Variants in MGST1 observed in about 807,000 individuals in gnomAD.
MGST1 encodes glutathione S-transferase 12.
In MGST1, 5 loss-of-function variants were observed where a neutral mutation model predicts 8.9. The ratio of observed to expected loss-of-function variants is 0.56; its 90% CI spans 0.29 to 1.19. MGST1 has a LOEUF of 1.19. MGST1 is among the 50% of genes most tolerant of loss of function. MGST1 has a pLI of 0.08. For missense variants in MGST1, 182 were observed against 187.4 expected, an observed-to-expected ratio of 0.97 and a Z score of 0.17; for synonymous variants, 54 against 67.8, an observed-to-expected ratio of 0.80 and a Z score of 1.00.
chr12:16,552,283 G>C (rs1942017933), intron 4 of MGST1, among the ~76,000 whole-genome samples: 1 of 152,022 alleles, frequency 6.6e-6, no homozygotes, highest in Non-Finnish European at 1.5e-5. Context: ...GTCTGGTAGA[G>C]TTGACCCAGT....
In MGST1 at chr12:16,546,545, C is replaced by T. The variant is rs1410160667; in HGVS notation, n.483-42983C>T. On this transcript the variant is annotated intron_variant and non_coding_transcript_variant, in intron 4 of 4. Transcript: ENST00000538857. The surrounding 1 kb of genome is among the most constrained non-coding windows in gnomAD (Gnocchi z 4.7). ...TTGTGCATTACGTGATCTGCACGCC[C>T]AAAACAGGAGTATCTTTGAATTTAA... Among the ~76,000 whole-genome samples the T allele has an allele frequency of 6.6e-6, 1 of 152,088 alleles. No homozygotes were observed. The highest frequency in any genetic ancestry group is 1.5e-5 in the Non-Finnish European group (1 of 67,986).
chr12:16,374,932 G>A (rs943016668), intron 3 of MGST1, among the ~76,000 whole-genome samples: 6 of 152,178 alleles, frequency 3.9e-5, no homozygotes, highest in Non-Finnish European at 7.4e-5. Context: ...CCATGCTGAA[G>A]TGCAGTGGGA....
exon 4 of MGST1, chr12:16,376,890 T>C (rs1277665265): frequency 6.6e-6 from 1 of 152,102 alleles, no homozygotes; most frequent in Non-Finnish European, 1.5e-5. Context: ...CATGAATTGT[T>C]AATTGTTGAC....
chr12:16,461,370 G>T (rs1941220051), intron 4 of MGST1, among the ~76,000 whole-genome samples: 1 of 152,068 alleles, frequency 6.6e-6, no homozygotes. Context: ...TCTAGATCTT[G>T]TCAGACTCAC....
rs1941192676 is a variant in MGST1, at chr12:16,458,295, A to C, written n.482+74691A>C. On this transcript the variant is annotated intron_variant and non_coding_transcript_variant, in intron 4 of 4. Transcript: ENST00000538857. The surrounding 1 kb of genome is among the most constrained non-coding windows in gnomAD (Gnocchi z 4.0). The stretch of plus-strand genomic sequence containing the variant: ...TCAATTTAGGAGCTTGGCTGGGGTC[A>C]GCAGATTGCTTATGCTGATCGCAAT... 6.6e-6 allele frequency among the ~76,000 whole-genome samples: 1 copy of C among 152,156 alleles called. No individual in the cohort carries two copies. Among genetic ancestry groups the C allele is most frequent in the African/African-American group, 2.4e-5 (1 of 41,544 alleles).
At chr12:16,366,752 A>G (rs1940199277), downstream of MGST1, among the ~76,000 whole-genome samples, 1 of 151,816 alleles carries the variant, frequency 6.6e-6, no homozygotes, top group African/African-American at 2.4e-5. The surrounding 1 kb of genome is among the most constrained non-coding windows in gnomAD (Gnocchi z 4.0). Flanking sequence ...AAACACCACC[A>G]TCTCCCTTCA....
At chr12:16,374,592 A>G (rs1463650268) in intron 3 of MGST1, among the ~76,000 whole-genome samples, 2 of 152,198 alleles carry the variant, frequency 1.3e-5, no homozygotes, top group Non-Finnish European at 2.9e-5. Flanking sequence ...TACTATTTTT[A>G]GGAACCTACC....
chr12:16,506,276 C>T (rs1312528573), intron 4 of MGST1, among the ~76,000 whole-genome samples: 1 of 152,134 alleles, frequency 6.6e-6, no homozygotes, highest in Non-Finnish European at 1.5e-5. Context: ...GAGAGAGCAA[C>T]ACACACAGTG....
At chr12:16,422,439 A>T (rs1384312514) in intron 1 of MGST1, among the ~76,000 whole-genome samples, 1 of 152,136 alleles carries the variant, frequency 6.6e-6, no homozygotes, top group African/African-American at 2.4e-5. Flanking sequence ...TATTTTCAGC[A>T]TGTGCCACAC....
At chr12:16,578,784 C>A (rs1408000622) in intron 4 of MGST1, among the ~76,000 whole-genome samples, 1 of 151,936 alleles carries the variant, frequency 6.6e-6, no homozygotes, top group East Asian at 1.9e-4. Context: ...AGCCACTGAA[C>A]TCCAGCCTGG....
chr12:16,536,472 A>G (rs893849316), intron 4 of MGST1, among the ~76,000 whole-genome samples: 3 of 152,214 alleles, frequency 2.0e-5, no homozygotes, highest in Non-Finnish European at 4.4e-5. Context: ...GGTACTTGAA[A>G]TCATTTAGAA....
intron 4 of MGST1, among the ~76,000 whole-genome samples, chr12:16,479,810 A>G (rs1412324665): frequency 6.6e-6 from 1 of 152,206 alleles, no homozygotes; most frequent in Non-Finnish European, 1.5e-5. Context: ...TGCTGGGATT[A>G]TAGGCCTGAG....
chr12:16,415,109 A>C (rs142609097), intron 1 of MGST1, among the ~76,000 whole-genome samples: 2,953 of 152,308 alleles, frequency 0.019, 48 homozygotes, highest in Non-Finnish European at 0.032. Flanking sequence ...GGAACATTAA[A>C]AGCCACATTT....
chr12:16,420,036 G>T lies in MGST1; in HGVS notation n.779-17352G>T, dbSNP rs1591722580. Among the ~76,000 whole-genome samples, 3 of 152,172 alleles carry T rather than the reference G, an allele frequency of 2.0e-5. No homozygotes were observed. In the East Asian group the frequency reaches 5.8e-4, roughly 29 times the overall value. ...AGTTTGATTCTAGTGTGAGGAAAGG[G>T]TGATTTAGAAGAAAACATTTATGTT... On this transcript the variant is annotated intron_variant and non_coding_transcript_variant, in intron 1 of 1. Coordinates refer to the MGST1 transcript ENST00000359720.
rs73066119 is a variant in MGST1, at chr12:16,400,644, A to G, written n.778+17040A>G. 5.3e-4 allele frequency: 788 copies of G among 1,486,340 alleles called. 13 individuals are homozygous for G. The South Asian group carries it at 8.3e-3, about 16-fold the overall frequency. 92.1% of individuals were successfully genotyped at this position (1,486,340 alleles called of 1,614,324 possible). On this transcript the variant is annotated intron_variant and non_coding_transcript_variant, in intron 1 of 1. Transcript: ENST00000359720. ...GCTTGGTATGTAATTTCTTTGACAA[A>G]AGTCGCTTCAGGGTTAGGAAAGATG...
downstream of MGST1, among the ~76,000 whole-genome samples, chr12:16,442,387 G>A (rs542874058): frequency 1.3e-5 from 2 of 151,706 alleles, no homozygotes; most frequent in African/African-American, 2.4e-5. This position sits in a 1 kb window ranked among gnomAD's most constrained non-coding sequence, Gnocchi z 4.5. Flanking sequence ...ATGTCATCAC[G>A]ATACCCAAGG....
At chr12:16,451,722 T>C (rs34405) in intron 4 of MGST1, among the ~76,000 whole-genome samples, 151,493 of 151,932 alleles carry the variant, frequency 1, 75,529 homozygotes, top group Middle Eastern at 1. Flanking sequence ...CTCTTATAAA[T>C]CTTTGTGGTT....
intron 4 of MGST1, among the ~76,000 whole-genome samples, chr12:16,552,836 G>A (rs1942041571): frequency 6.6e-6 from 1 of 152,020 alleles, no homozygotes; most frequent in Admixed American, 6.6e-5. Context: ...TACTTTAAAT[G>A]TTGCACTTCA....
At chr12:16,423,466 TCCTCTAGAATTATTTTA>T (rs1940859329) in intron 1 of MGST1, among the ~76,000 whole-genome samples, 1 of 149,172 alleles carries the variant, frequency 6.7e-6, no homozygotes, top group Non-Finnish European at 1.5e-5. Flanking sequence ...TTATTATTTA[TCCTCTAGAATTATTTTA>T]CCTCTAGTAT....
Sources: gnomAD v4.1 joint callset for allele counts (sites outside exome capture counted in the v4.1 genomes callset) on GRCh38, gnomAD v4.1.1 for gene constraint, Gnocchi (gnomAD v3.1) non-coding constraint, MANE v1.5 for transcripts, NCBI Gene and HGNC (gene_info 2026-07-23, HGNC 2026-07-21) for gene names.